GRID1: variants seen among roughly 807,000 people sequenced by gnomAD.
The protein encoded by GRID1 is glutamate receptor ionotropic, delta-1.
A neutral mutation model predicts 98.0 loss-of-function variants in GRID1; 28 were observed. The observed-to-expected ratio is 0.29, with a 90% CI of 0.21 to 0.39. The LOEUF is 0.39. Among genes scored for constraint, GRID1 ranks in the 10% least tolerant of loss-of-function variants. GRID1 has a pLI of 1.00. For missense variants in GRID1, 1,111 were observed against 1,340.5 expected, an observed-to-expected ratio of 0.83 and a Z score of 2.67; for synonymous variants, 553 against 538.5, an observed-to-expected ratio of 1.03 and a Z score of -0.37.
At chr10:85,694,730 T>C (rs929208016) in intron 12 of GRID1, among the ~76,000 whole-genome samples, 2 of 149,886 alleles carry the variant, frequency 1.3e-5, no homozygotes, top group Non-Finnish European at 3.0e-5. Flanking sequence ...ATATTCATTT[T>C]AGTTATAAGT....
chr10:86,082,966 G>A (rs12763086), intron 4 of GRID1, among the ~76,000 whole-genome samples: 2,476 of 152,286 alleles, frequency 0.016, 29 homozygotes, highest in Non-Finnish European at 0.026. Flanking sequence ...GCAAGGAATT[G>A]TCTGCCTTTT....
intron 2 of GRID1, among the ~76,000 whole-genome samples, chr10:86,270,134 G>A (rs773693858): frequency 3.9e-5 from 6 of 152,154 alleles, no homozygotes; most frequent in African/African-American, 1.4e-4. Context: ...TGCTTTGTCT[G>A]AGCAGCCGAA....
At chr10:86,306,749 G>T (rs1028273073) in intron 2 of GRID1, among the ~76,000 whole-genome samples, 2 of 152,188 alleles carry the variant, frequency 1.3e-5, no homozygotes, top group Admixed American at 6.5e-5. Context: ...AGTCCCTGAG[G>T]ACCATGTTGA....
chr10:85,952,227 A>T (rs889830691), intron 4 of GRID1, among the ~76,000 whole-genome samples: 1 of 152,242 alleles, frequency 6.6e-6, no homozygotes, highest in Non-Finnish European at 1.5e-5. Context: ...AATAATTTTC[A>T]GTAAACAAAG....
At chr10:85,654,739 C>T (rs1840874479) in intron 12 of GRID1, among the ~76,000 whole-genome samples, 1 of 152,204 alleles carries the variant, frequency 6.6e-6, no homozygotes, top group African/African-American at 2.4e-5. Flanking sequence ...CCATCCCAGG[C>T]ACTCAGGGCC....
chr10:85,717,180 G>A (rs1231270841), intron 12 of GRID1, among the ~76,000 whole-genome samples: 1 of 152,166 alleles, frequency 6.6e-6, no homozygotes, highest in Non-Finnish European at 1.5e-5. Context: ...CTTCATTTTA[G>A]TAATCATTTC....
chr10:85,877,259 T>C (rs1406896023), intron 5 of GRID1, among the ~76,000 whole-genome samples: 3 of 152,168 alleles, frequency 2.0e-5, no homozygotes, highest in Non-Finnish European at 4.4e-5. Flanking sequence ...AGAGCAGTGG[T>C]TCTCCCAGCA....
At chr10:85,868,966 G>A in intron 6 of GRID1, 44 bp downstream of exon 6, 5 of 1,561,840 alleles carry the variant, frequency 3.2e-6, no homozygotes, top group Non-Finnish European at 4.4e-6. Flanking sequence ...GTGTGGGTGA[G>A]ACTCTTGGTG....
intron 4 of GRID1, among the ~76,000 whole-genome samples, chr10:86,112,204 G>A (rs749309932): frequency 3.3e-5 from 5 of 152,196 alleles, no homozygotes; most frequent in Non-Finnish European, 5.9e-5. Context: ...GTCAAGCCAG[G>A]CCAGCCAGGA....
chr10:85,621,865 A>G (rs1317580734), intron 13 of GRID1, among the ~76,000 whole-genome samples: 3 of 152,160 alleles, frequency 2.0e-5, no homozygotes, highest in Non-Finnish European at 4.4e-5. Flanking sequence ...TCTCAGCAAA[A>G]TGTTGACTTA....
chr10:86,136,057 A>T (rs1464516537), intron 4 of GRID1, among the ~76,000 whole-genome samples: 1 of 152,148 alleles, frequency 6.6e-6, no homozygotes, highest in Non-Finnish European at 1.5e-5. Context: ...AAAATTCAGG[A>T]CATGTTCTGG....
intron 14 of GRID1, among the ~76,000 whole-genome samples, chr10:85,614,136 G>A (rs150012649): frequency 6.6e-6 from 1 of 152,204 alleles, no homozygotes; most frequent in Non-Finnish European, 1.5e-5. Context: ...GATCTTCTGT[G>A]CTTTGCCTAG....
At chr10:86,143,353 T>C (rs1291496430) in intron 3 of GRID1, among the ~76,000 whole-genome samples, 2 of 152,126 alleles carry the variant, frequency 1.3e-5, no homozygotes, top group Non-Finnish European at 2.9e-5. Flanking sequence ...TTTTCTCCCT[T>C]CAAGAAACCA....
chr10:86,084,504 TACC>T (rs1844022809), intron 4 of GRID1, among the ~76,000 whole-genome samples: 1 of 152,114 alleles, frequency 6.6e-6, no homozygotes, highest in African/African-American at 2.4e-5. Context: ...AAAATAGAAA[TACC>T]CTATGATCTA....
intron 8 of GRID1, among the ~76,000 whole-genome samples, chr10:85,803,972 G>A (rs79260032): frequency 0.088 from 13,337 of 151,562 alleles, 730 homozygotes; most frequent in Middle Eastern, 0.17. Flanking sequence ...ACTAACCCAA[G>A]CTTTCAATTA....
At position 85,916,139 on chromosome 10, in the gene GRID1, T is replaced by A. The variant is rs776172793; in HGVS notation, c.780+47A>T. On this transcript the variant is annotated intron_variant, in intron 5 of 15. Coordinates refer to ENST00000327946, the MANE Select transcript of GRID1 (RefSeq NM_017551.3). This position sits in a 1 kb window ranked among gnomAD's most constrained non-coding sequence, Gnocchi z 4.0. ...AATCACACTGAGCTTTACAAGGGGC[T>A]AGGGGCTCAGTCCAGGCCGTGCTCA... 2.2e-6 allele frequency: 3 copies of A among 1,373,842 alleles called. No homozygotes were observed. The highest frequency in any genetic ancestry group is 3.1e-6 in the Non-Finnish European group (3 of 961,544). 85.1% of individuals were successfully genotyped at this position (1,373,842 alleles called of 1,614,324 possible).
chr10:86,236,555 G>T (rs1287766442), intron 2 of GRID1, among the ~76,000 whole-genome samples: 1 of 152,142 alleles, frequency 6.6e-6, no homozygotes, highest in Non-Finnish European at 1.5e-5. Context: ...GAGGACCCAG[G>T]ACAGCTTGAG....
intron 4 of GRID1, among the ~76,000 whole-genome samples, chr10:85,992,198 A>G (rs1174709517): frequency 6.6e-6 from 1 of 152,064 alleles, no homozygotes; most frequent in Non-Finnish European, 1.5e-5. Flanking sequence ...AAGACAAAGC[A>G]TGGAAAAGGG....
At chr10:86,050,194 G>A (rs1426132526) in intron 4 of GRID1, among the ~76,000 whole-genome samples, 1 of 152,186 alleles carries the variant, frequency 6.6e-6, no homozygotes, top group Non-Finnish European at 1.5e-5. Context: ...TATAAGAAAT[G>A]TCTGTGTTTC....
Sources: allele counts gnomAD v4.1 joint callset (sites outside exome capture counted in the v4.1 genomes callset), GRCh38; gene constraint gnomAD v4.1.1; non-coding constraint Gnocchi (gnomAD v3.1); transcripts MANE v1.5; gene names NCBI Gene and HGNC (gene_info 2026-07-23, HGNC 2026-07-21).